Variants in SMG6 observed in about 807,000 individuals in gnomAD.
SMG6 encodes the protein SMG6 nonsense mediated mRNA decay factor.
Under a neutral mutation model 142.2 loss-of-function variants are expected in SMG6, and 66 were observed. The observed-to-expected ratio is 0.46, with a 90% CI of 0.38 to 0.57. SMG6 has a LOEUF of 0.57. Among genes scored for constraint, SMG6 ranks in the 20% least tolerant of loss-of-function variants. The pLI, the probability that SMG6 is intolerant of heterozygous loss-of-function variation, is 0.00. For synonymous variants in SMG6, 779 were observed against 702.4 expected (o/e 1.11, Z -1.72); for missense variants, 1,793 against 1,832.0 (o/e 0.98, Z 0.39).
At chr17:2,078,913 T>C (rs75289469) in intron 15 of SMG6, among the ~76,000 whole-genome samples, 2 of 146,776 alleles carry the variant, frequency 1.4e-5, no homozygotes, top group Non-Finnish European at 2.9e-5. Flanking sequence ...AGATAGGTCA[T>C]TGGTGATTGG....
chr17:2,091,672 G>T (rs4790873), intron 13 of SMG6, among the ~76,000 whole-genome samples: 91,957 of 146,954 alleles, frequency 0.63, 28,729 homozygotes, highest in African/African-American at 0.71. Flanking sequence ...CAGTCTTTTT[G>T]CTTTTTTTTT....
intron 6 of SMG6, among the ~76,000 whole-genome samples, chr17:2,287,155 G>A (rs2074926229): frequency 6.6e-6 from 1 of 152,010 alleles, no homozygotes; most frequent in East Asian, 1.9e-4. Flanking sequence ...TCTTGACCTC[G>A]TGATCCGCCC....
intron 13 of SMG6, among the ~76,000 whole-genome samples, chr17:2,169,358 T>C (rs2071434694): frequency 6.6e-6 from 1 of 151,776 alleles, no homozygotes; most frequent in African/African-American, 2.4e-5. Context: ...CAGGCTTATT[T>C]AGAGAACTTA....
At chr17:2,121,212 C>T (rs2069677403) in intron 13 of SMG6, among the ~76,000 whole-genome samples, 1 of 151,872 alleles carries the variant, frequency 6.6e-6, no homozygotes, top group Admixed American at 6.6e-5. Flanking sequence ...CAACTATTCA[C>T]AGCAACTTTA....
chr17:2,300,698 G>A (rs1358438840), intron 1 of SMG6, 34 bp from the exon 2 acceptor site: 2 of 1,518,116 alleles, frequency 1.3e-6, no homozygotes, highest in Admixed American at 2.2e-5. Flanking sequence ...GGGAGGGAAA[G>A]GTAGAAGATA....
intron 13 of SMG6, among the ~76,000 whole-genome samples, chr17:2,103,475 A>G (rs902673665): frequency 2.0e-5 from 3 of 152,226 alleles, no homozygotes; most frequent in Admixed American, 1.3e-4. Flanking sequence ...GCAGAGGAAG[A>G]AACAGCGGAC....
chr17:2,199,705 GACCA>G (rs2072453220), intron 10 of SMG6: 1 of 151,772 alleles, frequency 6.6e-6, no homozygotes, highest in Non-Finnish European at 1.5e-5. Flanking sequence ...AGGAATTCGA[GACCA>G]GCCTGTGGGC....
chr17:2,095,951 T>C (rs1288579087), intron 13 of SMG6, among the ~76,000 whole-genome samples: 1 of 151,290 alleles, frequency 6.6e-6, no homozygotes, highest in Non-Finnish European at 1.5e-5. Context: ...GGCTGTCTGC[T>C]TCCCCTGGCA....
intron 13 of SMG6, among the ~76,000 whole-genome samples, chr17:2,130,882 T>G (rs1182197886): frequency 2.0e-5 from 3 of 152,142 alleles, no homozygotes; most frequent in African/African-American, 7.2e-5. Context: ...CAGGTGCCTG[T>G]AATCCCAGCT....
chr17:2,081,427 G>T (rs190422521), intron 15 of SMG6, among the ~76,000 whole-genome samples: 3 of 152,116 alleles, frequency 2.0e-5, no homozygotes, highest in Non-Finnish European at 2.9e-5. Context: ...CCTCTCCCTG[G>T]GAACAGGCGT....
intron 13 of SMG6, chr17:2,087,425 CTT>C: frequency 8.4e-7 from 1 of 1,186,010 alleles, no homozygotes; most frequent in Non-Finnish European, 1.1e-6. Flanking sequence ...GCCAACCCCG[CTT>C]TCCTACACGG....
At chr17:2,285,444 T>G (rs558055717) in intron 6 of SMG6, among the ~76,000 whole-genome samples, 1 of 152,106 alleles carries the variant, frequency 6.6e-6, no homozygotes, top group African/African-American at 2.4e-5. Flanking sequence ...AAAAAGCCAT[T>G]GAGGGAATTC....
chr17:2,188,440 A>G lies in SMG6; in HGVS notation c.2945T>C (p.Leu982Pro). The change falls in exon 11 of 19, where the codon CTG (leucine) becomes CCG (proline). Residue 982 changes from leucine (L) to proline (P), a missense_variant. Around this residue, in one of 3 missense-constraint regions of SMG6, gnomAD observed 1,597 missense variants for 1,584.6 expected, o/e 1.01. Transcript: ENST00000263073. ...AALGLAMFSLLVRRCTCLLKE... is the reference protein window; with the variant it reads ...AALGLAMFSLPVRRCTCLLKE... ...AAGTAAGCAGGTGCAGCGGCGGACCAGTAGAGAAAACATGGCCAAGCCCAG... is the reference window on the plus strand; with the variant it reads ...AAGTAAGCAGGTGCAGCGGCGGACCGGTAGAGAAAACATGGCCAAGCCCAG... 1 of 1,614,170 alleles carries G rather than the reference A, an allele frequency of 6.2e-7. No individual in the cohort carries two copies. Among genetic ancestry groups the G allele is most frequent in the Non-Finnish European group, 8.5e-7 (1 of 1,180,008 alleles).
intron 13 of SMG6, among the ~76,000 whole-genome samples, chr17:2,145,820 T>A (rs2151586155): frequency 6.6e-6 from 1 of 152,144 alleles, no homozygotes; most frequent in South Asian, 2.1e-4. Flanking sequence ...TGACTGTTGG[T>A]AACTGGAATA....
At position 2,186,671 on chromosome 17, in the gene SMG6, C is replaced by A. The variant is rs754988576; in HGVS notation, c.3147G>T (p.Leu1049=). ...TGGGCAGGTCAACTCACTGCGAGGG[C>A]AGATCCAGGGATGTGGGAGGAGGAT... ...TWNPPPTSLD[L]PSHVAVDVWS... is the part of the protein sequence containing the mutation. Residue 1049 remains leucine, a synonymous_variant, in exon 12 of 19, where the codon CTG becomes CTT. Coordinates refer to ENST00000263073, the MANE Select transcript of SMG6 (RefSeq NM_017575.5). 1 of 1,614,194 alleles carries A rather than the reference C, an allele frequency of 6.2e-7. No homozygotes were observed. Among genetic ancestry groups the A allele is most frequent in the South Asian group, 1.1e-5 (1 of 91,086 alleles).
intron 3 of SMG6, among the ~76,000 whole-genome samples, 167 bp from the exon 4 acceptor site, chr17:2,297,520 T>C (rs1196143613): frequency 6.6e-6 from 1 of 151,888 alleles, no homozygotes; most frequent in Non-Finnish European, 1.5e-5. Context: ...ACAAGGCAAA[T>C]TCACAGTCAA....
At chr17:2,284,347 T>C (rs754928395) in intron 6 of SMG6, among the ~76,000 whole-genome samples, 4 of 152,172 alleles carry the variant, frequency 2.6e-5, no homozygotes, top group Non-Finnish European at 4.4e-5. Context: ...GCCATTGTTA[T>C]TGATAATTTT....
intron 12 of SMG6, 131 bp from the exon 13 acceptor site, chr17:2,172,990 C>A: frequency 1.2e-6 from 1 of 850,310 alleles, no homozygotes. Context: ...GGAAATCATA[C>A]CCCAAAAATG....
chr17:2,122,953 CAT>C (rs1444521519), intron 13 of SMG6, among the ~76,000 whole-genome samples: 1 of 152,236 alleles, frequency 6.6e-6, no homozygotes, highest in Non-Finnish European at 1.5e-5. Flanking sequence ...GCTCCTACCA[CAT>C]GAGGGGTGGC....
Sources: allele counts gnomAD v4.1 joint callset (sites outside exome capture counted in the v4.1 genomes callset), GRCh38; gene constraint gnomAD v4.1.1; regional missense constraint gnomAD v4.1.1; transcripts MANE v1.5; gene names NCBI Gene and HGNC (gene_info 2026-07-23, HGNC 2026-07-21).